LRP4: variants seen among roughly 807,000 people sequenced by gnomAD.
The protein encoded by LRP4 is low-density lipoprotein receptor-related protein 4.
LRP4 carries 95 observed loss-of-function variants against 220.3 expected under a neutral mutation model. The ratio of observed to expected loss-of-function variants is 0.43; its 90% confidence interval spans 0.37 to 0.51. The LOEUF (loss-of-function observed/expected upper bound fraction) is 0.51. Ranked by LOEUF, LRP4 falls within the 20% of genes least tolerant of loss-of-function variation. LRP4 has a pLI of 0.00. For synonymous variants in LRP4, 903 were observed against 954.6 expected (o/e 0.95, Z 1.00); for missense variants, 1,925 against 2,567.0 (o/e 0.75, Z 5.40).
chr11:46,867,423 T>G (rs1419560473), intron 34 of LRP4, among the ~76,000 whole-genome samples: 1 of 152,124 alleles, frequency 6.6e-6, no homozygotes, highest in African/African-American at 2.4e-5. Context: ...CCTAAGTGAT[T>G]TCTGTTTAAA....
rs148856658 is a variant in LRP4 at position 46,894,760 on chromosome 11, G to A, written c.1369C>T (p.Arg457Cys). ...TTAAGCAGCAGTGTGTACTCAGAGCGGTGTGGCAGCACCTGCCGGATGTCG... is the reference window on the plus strand; with the variant it reads ...TTAAGCAGCAGTGTGTACTCAGAGCAGTGTGGCAGCACCTGCCGGATGTCG... ...RIDIRQVLPH[R>C]SEYTLLLNNL... Residue 457 changes from arginine to cysteine, a missense_variant, in exon 12 of 38, where the codon CGC (arginine) becomes TGC (cysteine). Arg to Cys is a radical substitution (Grantham distance 180). Coordinates refer to ENST00000378623, the MANE Select transcript of LRP4 (RefSeq NM_002334.4). 82 of 1,614,104 alleles carry A rather than the reference G, an allele frequency of 5.1e-5. No homozygotes were observed. The highest frequency in any genetic ancestry group is 2.7e-5 in the Non-Finnish European group (32 of 1,180,042).
Position 46,879,049 on chromosome 11 carries a change from A to T in LRP4, c.3005-11T>A. The T allele has an allele frequency of 6.2e-7, 1 of 1,614,112 alleles. No homozygotes were observed. The highest frequency in any genetic ancestry group is 8.5e-7 in the Non-Finnish European group (1 of 1,180,008). ...CACATGGTGTAGACACTGGGTAGAGAGGAGGGGATGTTCAATGGGGAGAGC... is the reference window on the plus strand; with the variant it reads ...CACATGGTGTAGACACTGGGTAGAGTGGAGGGGATGTTCAATGGGGAGAGC... On this transcript the variant is annotated splice_polypyrimidine_tract_variant and intron_variant, in intron 21 of 37. Transcript: ENST00000378623.
intron 22 of LRP4, among the ~76,000 whole-genome samples, chr11:46,878,353 C>T (rs1449101438): frequency 1.4e-5 from 2 of 139,332 alleles, no homozygotes; most frequent in Non-Finnish European, 3.0e-5. Context: ...GATCTCTGCT[C>T]ACTGCAACCT....
chr11:46,918,241 GC>G lies in LRP4; in HGVS notation c.52+86del. ...TAGGAGCGAGGGCGAGGGGTCTCAG[GC>G]CCCGGCCCGCGCCGTCCAGGTCCCG... On this transcript the variant is annotated intron_variant, in intron 1 of 37. Transcript: ENST00000378623. The surrounding 1 kb of genome is among the most constrained non-coding windows in gnomAD (Gnocchi z 6.0). 4 of 1,391,952 alleles carry G rather than the reference GC, an allele frequency of 2.9e-6. No homozygotes were observed. The highest frequency in any genetic ancestry group is 2.1e-5 in the Admixed American group (1 of 48,260). The allele number at this position is 1,391,952 out of a possible 1,614,324, so 86.2% of individuals were successfully genotyped here.
intron 18 of LRP4, 21 bp downstream of exon 18, chr11:46,886,070 C>T (rs1592532702): frequency 6.2e-7 from 1 of 1,602,342 alleles, no homozygotes; most frequent in East Asian, 2.2e-5. Context: ...GCCAGGCAGG[C>T]CACGGCTCCC....
At position 46,858,567 on chromosome 11, in the gene LRP4, A is replaced by G; in HGVS notation, c.*416T>C. On this transcript the variant is annotated 3_prime_UTR_variant, in exon 38 of 38. Transcript: ENST00000378623. ...CCCATGTCCCAGCCCCTGATGGGCA[A>G]GTTCTCTCAGAGAAGCAGTCATGCT... 1 of 293,992 alleles carries G rather than the reference A, an allele frequency of 3.4e-6. No individual in the cohort carries two copies. The highest frequency in any genetic ancestry group is 6.7e-6 in the Non-Finnish European group (1 of 148,964). 18.2% of individuals were successfully genotyped at this position (293,992 alleles called of 1,614,324 possible). A position where few individuals can be genotyped will look rare whatever the true frequency, so the allele number is the denominator to read the frequency against.
At chr11:46,906,317 G>A (rs570135659) in intron 1 of LRP4, among the ~76,000 whole-genome samples, 221 of 152,116 alleles carry the variant, frequency 1.5e-3, no homozygotes, top group African/African-American at 3.3e-3. Flanking sequence ...TTAGCTGGGC[G>A]TGGTGGCGCA....
chr11:46,889,913 A>G (rs1245634784), intron 15 of LRP4, 31 bp downstream of exon 15: 2 of 1,613,828 alleles, frequency 1.2e-6, no homozygotes, highest in Admixed American at 3.3e-5. Flanking sequence ...CCATGAGGCT[A>G]CTTTGGCTCA....
At chr11:46,888,561 A>AAAAAAAG (rs1941349702) in intron 16 of LRP4, among the ~76,000 whole-genome samples, 1 of 148,906 alleles carries the variant, frequency 6.7e-6, no homozygotes, top group Non-Finnish European at 1.5e-5. Context: ...AAAAAAAAAA[A>AAAAAAAG]AAAAAAAAAA....
At position 46,868,200 on chromosome 11, in the gene LRP4, A is replaced by G. The variant is rs922058858; in HGVS notation, c.4952-86T>C. ...AGAGTAGCAGCTGGAGAACTTGACA[A>G]AACAATCTTTTAGCTGCCCTAGTCC... On this transcript the variant is annotated intron_variant, in intron 33 of 37. Coordinates refer to ENST00000378623, the MANE Select transcript of LRP4 (RefSeq NM_002334.4). The G allele has an allele frequency of 3.2e-6, 5 of 1,559,250 alleles. No homozygotes were observed. The African/African-American group carries it at 4.1e-5, about 13-fold the overall frequency.
At chr11:46,898,533 A>C in intron 7 of LRP4, 25 bp downstream of exon 7, 1 of 1,613,862 alleles carries the variant, frequency 6.2e-7, no homozygotes, top group South Asian at 1.1e-5. Context: ...GTTCAAGCCC[A>C]ACCTAATTCC....
intron 19 of LRP4, among the ~76,000 whole-genome samples, chr11:46,883,574 AAT>A (rs1941211751): frequency 6.6e-6 from 1 of 152,226 alleles, no homozygotes; most frequent in Admixed American, 6.5e-5. Flanking sequence ...GCTGTTAATA[AAT>A]ATGTGGGTAA....
Position 46,899,011 on chromosome 11 carries a change from G to T in LRP4, c.569C>A (p.Pro190His), listed in dbSNP as rs774700154. Reference sequence around the variant, plus strand: ...ACACTGGAACTCCTCCAGGTTGCAGGGGGGCGCTGGCACTGCTGAGGCTGG... The same window carrying T: ...ACACTGGAACTCCTCCAGGTTGCAGTGGGGCGCTGGCACTGCTGAGGCTGG... Reference protein sequence around the residue: ...ENCPSAVPAPPCNLEEFQCAY... With the variant: ...ENCPSAVPAPHCNLEEFQCAY... The change falls in exon 6 of 38, where the codon CCC becomes CAC. Residue 190 changes from proline (P) to histidine (H), a missense_variant. Coordinates refer to ENST00000378623, the MANE Select transcript of LRP4 (RefSeq NM_002334.4). This position sits in a 1 kb window ranked among gnomAD's most constrained non-coding sequence, Gnocchi z 5.9. 2 of 1,613,286 alleles carry T rather than the reference G, an allele frequency of 1.2e-6. No individual in the cohort carries two copies. The highest frequency in any genetic ancestry group is 1.7e-6 in the Non-Finnish European group (2 of 1,179,718).
intron 31 of LRP4, 107 bp downstream of exon 31, chr11:46,871,418 C>T: frequency 1.2e-6 from 1 of 838,208 alleles, no homozygotes; most frequent in Non-Finnish European, 2.0e-6. Context: ...AAATGAGCTG[C>T]AATAGCACGT....
chr11:46,882,078 T>C (rs1258487689), intron 19 of LRP4, among the ~76,000 whole-genome samples, 175 bp from the exon 20 acceptor site: 2 of 152,146 alleles, frequency 1.3e-5, no homozygotes, highest in Admixed American at 1.3e-4. Context: ...CCTTGTCTTC[T>C]ATTACTATCA....
intron 15 of LRP4, 122 bp downstream of exon 15, chr11:46,889,822 G>T: frequency 3.5e-6 from 4 of 1,130,842 alleles, no homozygotes; most frequent in Non-Finnish European, 5.3e-6. Context: ...CCATGTCAGT[G>T]CCCTGCTGGA....
At chr11:46,891,109 C>T (rs1297794021) in intron 13 of LRP4, among the ~76,000 whole-genome samples, 1 of 151,780 alleles carries the variant, frequency 6.6e-6, no homozygotes, top group Non-Finnish European at 1.5e-5. Context: ...TCTTCCACTG[C>T]CTTTTGTATT....
chr11:46,896,420 G>A, intron 8 of LRP4, 85 bp from the exon 9 acceptor site: 7 of 1,556,958 alleles, frequency 4.5e-6, no homozygotes, highest in South Asian at 3.4e-5. Flanking sequence ...AGGGTAAGCT[G>A]GAGACAGATG....
Position 46,881,838 on chromosome 11 carries a change from C to A in LRP4, c.2678G>T (p.Gly893Val), listed in dbSNP as rs1307667102. 1 of 1,614,208 alleles carries A rather than the reference C, an allele frequency of 6.2e-7. No homozygotes were observed. The highest frequency in any genetic ancestry group is 1.1e-5 in the South Asian group (1 of 91,076). The part of the protein sequence containing the change: ...KIERAGMDAS[G>V]RQVIISSNLT... ...ATTAGAAGAGATAATGACTTGGCGG[C>A]CTGAGGCATCCATGCCAGCTCGTTC... Residue 893 changes from glycine to valine, a missense_variant, in exon 20 of 38, where the codon GGC becomes GTC. By Grantham distance (109) the Gly-to-Val change is moderately radical. This residue lies in a region of LRP4 where 1,244 missense variants were observed against 1,624.9 expected (regional missense o/e 0.77). Coordinates refer to ENST00000378623, the MANE Select transcript of LRP4 (RefSeq NM_002334.4).
Sources: gnomAD v4.1 joint callset for allele counts (sites outside exome capture counted in the v4.1 genomes callset) on GRCh38, gnomAD v4.1.1 for gene constraint, gnomAD v4.1.1 regional missense constraint, Gnocchi (gnomAD v3.1) non-coding constraint, MANE v1.5 for transcripts, NCBI Gene and HGNC (gene_info 2026-07-23, HGNC 2026-07-21) for gene names.